The following PSMD1 variants were observed in gnomAD, a reference collection of about 807,000 sequenced individuals.
PSMD1 encodes the protein 26S proteasome non-ATPase regulatory subunit 1.
A neutral mutation model predicts 119.0 loss-of-function variants in PSMD1; 18 were observed. The ratio of observed to expected loss-of-function variants is 0.15; its 90% confidence interval spans 0.10 to 0.22. The LOEUF is 0.22. Among genes scored for constraint, PSMD1 ranks in the 10% least tolerant of loss-of-function variants. The pLI is 1.00. For synonymous variants in PSMD1, 374 were observed against 396.6 expected (o/e 0.94, Z 0.68); for missense variants, 702 against 1,158.5 (o/e 0.61, Z 5.72).
chr2:231,134,681 A>G (rs1166891341), intron 16 of PSMD1, among the ~76,000 whole-genome samples: 4 of 152,166 alleles, frequency 2.6e-5, no homozygotes, highest in Non-Finnish European at 5.9e-5. Flanking sequence ...TGTTTCTCAC[A>G]TTCCAGTGTT....
At chr2:231,102,506 T>A (rs1020933101) in intron 16 of PSMD1, among the ~76,000 whole-genome samples, 4 of 152,230 alleles carry the variant, frequency 2.6e-5, no homozygotes, top group African/African-American at 9.6e-5. Context: ...AATTTTTATG[T>A]TATATGTATT....
At chr2:231,058,535 T>A (rs974421397) in intron 1 of PSMD1, among the ~76,000 whole-genome samples, 93 of 148,084 alleles carry the variant, frequency 6.3e-4, no homozygotes, top group Non-Finnish European at 5.5e-4. Flanking sequence ...TTTTTTTTTT[T>A]AAGCTCATTA....
intron 3 of PSMD1, 61 bp downstream of exon 3, chr2:231,062,382 C>A: frequency 2.0e-6 from 3 of 1,497,922 alleles, no homozygotes; most frequent in South Asian, 2.3e-5. Context: ...GAATGTGGGT[C>A]TTGTGGCTTA....
intron 1 of PSMD1, among the ~76,000 whole-genome samples, chr2:231,057,454 G>A (rs372639928): frequency 5.7e-4 from 87 of 152,382 alleles, no homozygotes; most frequent in Admixed American, 1.0e-3. Context: ...AAACCCCCCT[G>A]ATCGGGCAGC....
intron 9 of PSMD1, among the ~76,000 whole-genome samples, chr2:231,078,237 C>T (rs1319716337): frequency 6.6e-6 from 1 of 152,214 alleles, no homozygotes; most frequent in Non-Finnish European, 1.5e-5. Context: ...CACTGCACTC[C>T]AGCCTGGGCA....
At chr2:231,172,070 C>T (rs192907111) in intron 24 of PSMD1, among the ~76,000 whole-genome samples, 1 of 152,264 alleles carries the variant, frequency 6.6e-6, no homozygotes, top group East Asian at 1.9e-4. Flanking sequence ...TAGAGAAAGG[C>T]AGATTTATAC....
intron 16 of PSMD1, among the ~76,000 whole-genome samples, chr2:231,091,709 G>A: frequency 6.6e-6 from 1 of 152,116 alleles, no homozygotes; most frequent in East Asian, 1.9e-4. Flanking sequence ...ATGGCTGTTT[G>A]TTGGGCGTGT....
chr2:231,108,742 A>G, intron 16 of PSMD1: 1 of 1,614,096 alleles, frequency 6.2e-7, no homozygotes, highest in Admixed American at 1.7e-5. Flanking sequence ...GTTTTCTGAG[A>G]GTTTTTACTG....
At chr2:231,147,334 A>G (rs554858364) in intron 18 of PSMD1, among the ~76,000 whole-genome samples, 1 of 152,214 alleles carries the variant, frequency 6.6e-6, no homozygotes, top group South Asian at 2.1e-4. Flanking sequence ...ATCACTACAA[A>G]GAATTAAAAA....
chr2:231,081,252 TC>T (rs1164862256), intron 12 of PSMD1, among the ~76,000 whole-genome samples: 1 of 151,862 alleles, frequency 6.6e-6, no homozygotes, highest in African/African-American at 2.4e-5. Flanking sequence ...TTACCTTATT[TC>T]CCCTGGTCTC....
At chr2:231,144,061 C>T (rs901870995) in intron 17 of PSMD1, among the ~76,000 whole-genome samples, 2 of 152,086 alleles carry the variant, frequency 1.3e-5, no homozygotes, top group Non-Finnish European at 2.9e-5. Context: ...TGTTACCTTA[C>T]TCTAATATTT....
intron 19 of PSMD1, among the ~76,000 whole-genome samples, chr2:231,158,107 T>C (rs1376635440): frequency 6.6e-6 from 1 of 151,882 alleles, no homozygotes; most frequent in Admixed American, 6.5e-5. Flanking sequence ...GGTCAGGAGT[T>C]TGAGACCAGC....
intron 18 of PSMD1, among the ~76,000 whole-genome samples, chr2:231,149,166 C>G (rs1026082213): frequency 1.3e-5 from 2 of 152,188 alleles, no homozygotes; most frequent in Admixed American, 1.3e-4. Flanking sequence ...TGAAGTATCT[C>G]CAGTACATCT....
chr2:231,076,795 T>C (rs1395364540), intron 8 of PSMD1, among the ~76,000 whole-genome samples: 3 of 152,218 alleles, frequency 2.0e-5, no homozygotes, highest in African/African-American at 7.2e-5. Context: ...AATTATTCTT[T>C]CCCAGTTTTT....
chr2:231,062,779 T>A, intron 4 of PSMD1, 104 bp downstream of exon 4: 1 of 970,030 alleles, frequency 1.0e-6, no homozygotes, highest in Non-Finnish European at 1.4e-6. Flanking sequence ...AATTTCATTT[T>A]AATTGGAAGT....
chr2:231,127,261 G>GCAA (rs1230973689), intron 16 of PSMD1, among the ~76,000 whole-genome samples: 24 of 147,862 alleles, frequency 1.6e-4, no homozygotes, highest in Non-Finnish European at 3.1e-4. Context: ...AACTGAAACA[G>GCAA]CAACAACAAC....
At chr2:231,092,486 G>A (rs1266943932) in intron 16 of PSMD1, among the ~76,000 whole-genome samples, 6 of 152,198 alleles carry the variant, frequency 3.9e-5, no homozygotes, top group Non-Finnish European at 7.4e-5. Context: ...CATACCAGGT[G>A]TAAAGGGAGA....
At chr2:231,124,012 T>G in intron 16 of PSMD1, 1 of 470,606 alleles carries the variant, frequency 2.1e-6, no homozygotes, top group South Asian at 2.4e-5. Flanking sequence ...GAAAGCTCAG[T>G]GAAAGAAACT....
At chr2:231,077,473 C>T (rs1399108761) in intron 9 of PSMD1, among the ~76,000 whole-genome samples, 1 of 151,980 alleles carries the variant, frequency 6.6e-6, no homozygotes, top group South Asian at 2.1e-4. Context: ...AAGATAGGCT[C>T]TTGAGCCGCT....
Sources: gnomAD v4.1 joint callset for allele counts (sites outside exome capture counted in the v4.1 genomes callset) on GRCh38, gnomAD v4.1.1 for gene constraint, MANE v1.5 for transcripts, NCBI Gene and HGNC (gene_info 2026-07-23, HGNC 2026-07-21) for gene names.